The following DLG2 variants were observed in gnomAD, a reference collection of about 807,000 sequenced individuals.
DLG2 encodes discs large MAGUK scaffold protein 2.
In DLG2, 45 loss-of-function variants were observed where a neutral mutation model predicts 132.5. The ratio of observed to expected loss-of-function variants is 0.34; its 90% confidence interval spans 0.27 to 0.44. The LOEUF (loss-of-function observed/expected upper bound fraction) is 0.44. DLG2 is among the 20% of genes least tolerant of loss of function. The pLI, the probability that DLG2 is intolerant of heterozygous loss-of-function variation, is 1.00. For synonymous variants in DLG2, 424 were observed against 419.6 expected, an observed-to-expected ratio of 1.01 and a Z score of -0.13; for missense variants, 1,045 against 1,196.9, an observed-to-expected ratio of 0.87 and a Z score of 1.87.
intron 6 of DLG2, among the ~76,000 whole-genome samples, chr11:85,069,865 G>T (rs1456319582): frequency 6.6e-6 from 1 of 152,084 alleles, no homozygotes; most frequent in Non-Finnish European, 1.5e-5. Flanking sequence ...TATGTTTATT[G>T]TGGCACTATT....
At chr11:84,976,328 T>C (rs1370195084) in intron 6 of DLG2, among the ~76,000 whole-genome samples, 1 of 152,108 alleles carries the variant, frequency 6.6e-6, no homozygotes, top group Non-Finnish European at 1.5e-5. Context: ...AATTAAACAG[T>C]TGCCAGGGGG....
At chr11:85,622,068 A>G (rs1051224388) in intron 2 of DLG2, among the ~76,000 whole-genome samples, 3 of 152,234 alleles carry the variant, frequency 2.0e-5, no homozygotes, top group African/African-American at 7.2e-5. Flanking sequence ...AGCAGCCATC[A>G]ACAACGAAGC....
At chr11:85,406,215 T>G (rs2088715962) in intron 3 of DLG2, among the ~76,000 whole-genome samples, 1 of 151,114 alleles carries the variant, frequency 6.6e-6, no homozygotes, top group Non-Finnish European at 1.5e-5. Context: ...TGTGTGCCTC[T>G]GATAAGAAAC....
At chr11:83,776,583 T>C (rs186712729) in intron 18 of DLG2, among the ~76,000 whole-genome samples, 1 of 152,298 alleles carries the variant, frequency 6.6e-6, no homozygotes, top group East Asian at 1.9e-4. Context: ...CCTAAAACCT[T>C]TCAAAGGTCC....
At chr11:84,685,541 T>A (rs2099737380) in intron 6 of DLG2, among the ~76,000 whole-genome samples, 1 of 152,190 alleles carries the variant, frequency 6.6e-6, no homozygotes, top group African/African-American at 2.4e-5. Context: ...TTACCCATTC[T>A]TTTCCTGCAG....
intron 6 of DLG2, among the ~76,000 whole-genome samples, chr11:84,970,973 T>C (rs541275958): frequency 2.6e-5 from 4 of 152,266 alleles, no homozygotes; most frequent in East Asian, 1.9e-4. Context: ...GCATGAGAAT[T>C]GTAATTCACT....
At chr11:85,402,735 G>A (rs1596995043) in intron 3 of DLG2, among the ~76,000 whole-genome samples, 1 of 152,134 alleles carries the variant, frequency 6.6e-6, no homozygotes, top group Non-Finnish European at 1.5e-5. Context: ...ACAGACATAT[G>A]AAAAAATGCT....
intron 4 of DLG2, among the ~76,000 whole-genome samples, chr11:85,227,457 A>G (rs574116394): frequency 1.3e-5 from 2 of 152,248 alleles, no homozygotes; most frequent in East Asian, 3.9e-4. Context: ...AATAAATAGG[A>G]AAAGATCTGG....
chr11:83,748,223 A>C (rs1438883688), intron 18 of DLG2, among the ~76,000 whole-genome samples: 2 of 152,188 alleles, frequency 1.3e-5, no homozygotes, highest in African/African-American at 4.8e-5. Flanking sequence ...TTTACACTTG[A>C]CATGTTCTCC....
chr11:84,042,084 T>G (rs1262147972), intron 11 of DLG2, among the ~76,000 whole-genome samples: 1 of 152,000 alleles, frequency 6.6e-6, no homozygotes, highest in Non-Finnish European at 1.5e-5. Flanking sequence ...AGGTATCTCT[T>G]TATCAGCAGC....
chr11:85,607,367 G>A (rs997560096), intron 2 of DLG2, among the ~76,000 whole-genome samples: 15 of 152,160 alleles, frequency 9.9e-5, no homozygotes, highest in African/African-American at 3.6e-4. Flanking sequence ...TTCAACTCCA[G>A]GGTCCCGACA....
chr11:84,083,654 G>A (rs1009879660), intron 10 of DLG2, among the ~76,000 whole-genome samples: 3 of 152,276 alleles, frequency 2.0e-5, no homozygotes, highest in African/African-American at 7.2e-5. Context: ...TCTGTATTGT[G>A]TACTTGATCC....
At chr11:85,499,551 T>C (rs1025132707) in intron 3 of DLG2, among the ~76,000 whole-genome samples, 1 of 152,206 alleles carries the variant, frequency 6.6e-6, no homozygotes, top group Non-Finnish European at 1.5e-5. Flanking sequence ...TCTGAAACTA[T>C]GCCAATCAAT....
chr11:84,348,536 T>C lies in DLG2; in HGVS notation c.520-97245A>G, dbSNP rs188141877. On this transcript the variant is annotated intron_variant, in intron 7 of 27. Transcript: ENST00000376104. The stretch of plus-strand genomic sequence containing the variant: ...TGCAGAATTTCTCAAACCCTTAATA[T>C]GCTAATGCATGTAGGTAAGCTATGA... 2.0e-5 allele frequency among the ~76,000 whole-genome samples: 3 copies of C among 152,330 alleles called. No homozygotes were observed. The East Asian group carries it at 5.8e-4, about 29-fold the overall frequency.
intron 6 of DLG2, among the ~76,000 whole-genome samples, chr11:84,802,343 G>GA (rs2075496678): frequency 6.6e-6 from 1 of 151,968 alleles, no homozygotes; most frequent in African/African-American, 2.4e-5. Flanking sequence ...AATTAACAAG[G>GA]AATAATGAAG....
At chr11:85,180,977 T>A (rs1410416289) in intron 4 of DLG2, among the ~76,000 whole-genome samples, 2 of 151,800 alleles carry the variant, frequency 1.3e-5, no homozygotes, top group Admixed American at 1.3e-4. Context: ...TGAATTATAA[T>A]CAAATAGACA....
rs1175044526 is a variant in DLG2 at position 83,965,342 on chromosome 11, G to A, written c.1183C>T (p.Pro395Ser). ...TACTTACAGTGAGTAATATCAGGTG[G>A]ACCATAAGGATCAGTCATATAAATG... is the stretch of plus-strand genomic sequence containing the variant. ...TTIYMTDPYGPPDITHSYSPP... is the reference protein window; with the variant it reads ...TTIYMTDPYGSPDITHSYSPP... The change falls in exon 13 of 28, where the codon CCA becomes TCA. Residue 395 changes from proline to serine, a missense_variant. This residue lies in a region of DLG2 where 261 missense variants were observed against 256.1 expected (regional missense o/e 1.02). Transcript: ENST00000376104. 3.1e-6 allele frequency: 5 copies of A among 1,610,044 alleles called. No homozygotes were observed. In the East Asian group the frequency reaches 6.7e-5, roughly 22 times the overall value.
intron 6 of DLG2, 110 bp from the exon 7 acceptor site, chr11:84,534,841 G>C (rs1339815541): frequency 7.8e-7 from 1 of 1,285,846 alleles, no homozygotes; most frequent in African/African-American, 1.5e-5. Flanking sequence ...TGCACCTACT[G>C]TTGACTTCAC....
intron 18 of DLG2, among the ~76,000 whole-genome samples, chr11:83,769,560 C>CTT (rs143446772): frequency 1.6e-4 from 20 of 124,036 alleles, no homozygotes; most frequent in African/African-American, 3.8e-4. Flanking sequence ...ACTCTAGCTT[C>CTT]TTTTTTTTTT....
Sources: gnomAD v4.1 joint callset for allele counts (sites outside exome capture counted in the v4.1 genomes callset) on GRCh38, gnomAD v4.1.1 for gene constraint, gnomAD v4.1.1 regional missense constraint, MANE v1.5 for transcripts, NCBI Gene and HGNC (gene_info 2026-07-23, HGNC 2026-07-21) for gene names.